C12orf54: variants seen among roughly 807,000 people sequenced by gnomAD.
C12orf54 encodes chromosome 12 open reading frame 54.
Under a neutral mutation model 26.4 loss-of-function variants are expected in C12orf54, and 24 were observed. The ratio of observed to expected loss-of-function variants is 0.91; its 90% confidence interval spans 0.66 to 1.28. C12orf54 has a LOEUF of 1.28. Among genes scored for constraint, C12orf54 ranks in the 50% most tolerant of loss-of-function variants. C12orf54 has a pLI of 0.00. For missense variants in C12orf54, 154 were observed against 150.9 expected, an observed-to-expected ratio of 1.02 and a Z score of -0.11; for synonymous variants, 54 against 47.0, an observed-to-expected ratio of 1.15 and a Z score of -0.61.
the C12orf54 span, among the ~76,000 whole-genome samples, chr12:48,449,352 A>G: frequency 6.6e-6 from 1 of 152,182 alleles, no homozygotes; most frequent in Non-Finnish European, 1.5e-5. Context: ...AAATAATGCA[A>G]AGAAACATGT....
the C12orf54 span, among the ~76,000 whole-genome samples, chr12:48,475,542 AG>A: frequency 6.6e-6 from 1 of 152,240 alleles, no homozygotes; most frequent in African/African-American, 2.4e-5. Context: ...AATGCAGAGA[AG>A]TCATTAAAGG....
At chr12:48,468,535 A>T in the C12orf54 span, among the ~76,000 whole-genome samples, 1 of 152,228 alleles carries the variant, frequency 6.6e-6, no homozygotes, top group African/African-American at 2.4e-5. Context: ...ATGTATAAAG[A>T]TACAGATGGA....
chr12:48,438,816 A>G, the C12orf54 span, among the ~76,000 whole-genome samples: 1 of 152,228 alleles, frequency 6.6e-6, no homozygotes, highest in African/African-American at 2.4e-5. Flanking sequence ...AAGAAAACCT[A>G]GACAATACCA....
the C12orf54 span, among the ~76,000 whole-genome samples, chr12:48,451,374 G>C: frequency 2.0e-5 from 3 of 151,936 alleles, no homozygotes; most frequent in African/African-American, 4.8e-5. Flanking sequence ...CAAACCCACA[G>C]CCAATATCAT....
chr12:48,489,425 A>ATCTCTCTC (rs56968979), intron 5 of C12orf54: 55 of 247,242 alleles, frequency 2.2e-4, no homozygotes, highest in East Asian at 1.2e-3. Context: ...GTCTCTCTCA[A>ATCTCTCTC]TCTCTCTCTC....
chr12:48,426,709 C>A, the C12orf54 span, among the ~76,000 whole-genome samples: 3 of 152,180 alleles, frequency 2.0e-5, no homozygotes, highest in Non-Finnish European at 4.4e-5. Flanking sequence ...TTCTCCCTAT[C>A]CACGAGCATG....
At chr12:48,420,847 G>A in the C12orf54 span, among the ~76,000 whole-genome samples, 8 of 152,066 alleles carry the variant, frequency 5.3e-5, no homozygotes, top group African/African-American at 1.7e-4. Context: ...AGTCTACCTT[G>A]CCTGTTTGAT....
Position 48,494,978 on chromosome 12 carries a change from A to G in C12orf54, c.*39A>G. 6.2e-7 allele frequency: 1 copy of G among 1,601,626 alleles called. No individual in the cohort carries two copies. The highest frequency in any genetic ancestry group is 1.1e-5 in the South Asian group (1 of 90,442). ...GAAGAAGGACATCTCTGCTTCCGCC[A>G]GGTGCTTTACCCAAGCAGCCTTTCC... On this transcript the variant is annotated splice_region_variant and 3_prime_UTR_variant, in exon 8 of 9. Coordinates refer to ENST00000548364, the MANE Select transcript of C12orf54 (RefSeq NM_152319.4).
chr12:48,432,394 T>A, the C12orf54 span, among the ~76,000 whole-genome samples: 1 of 152,202 alleles, frequency 6.6e-6, no homozygotes, highest in East Asian at 1.9e-4. Flanking sequence ...CCTTTCAATA[T>A]AATCCATAGG....
rs572738575 is a variant in C12orf54 at position 48,489,138 on chromosome 12, T to G, written c.168+182T>G. 3.9e-6 allele frequency: 3 copies of G among 762,464 alleles called. No individual in the cohort carries two copies. In the East Asian group the frequency reaches 7.3e-5, roughly 19 times the overall value. 47.2% of individuals were successfully genotyped at this position (762,464 alleles called of 1,614,324 possible). A position where few individuals can be genotyped will look rare whatever the true frequency, so the allele number is the denominator to read the frequency against. ...AGTCCAGGCGGCTAAGGCAAGAAGA[T>G]GCCTAACAGTTCCCTTGAGGAAATG... On this transcript the variant is annotated intron_variant, in intron 5 of 8. Transcript: ENST00000548364.
chr12:48,445,020 A>C, the C12orf54 span, among the ~76,000 whole-genome samples: 1 of 152,028 alleles, frequency 6.6e-6, no homozygotes. Context: ...AAAATACAAA[A>C]ATTAGCCAGG....
At chr12:48,492,223 T>C (rs1055638106) in intron 6 of C12orf54, among the ~76,000 whole-genome samples, 2 of 152,108 alleles carry the variant, frequency 1.3e-5, no homozygotes, top group East Asian at 1.9e-4. Context: ...TTCTTGGGGA[T>C]CTTTAAATAC....
the C12orf54 span, among the ~76,000 whole-genome samples, chr12:48,467,842 T>G: frequency 1.3e-5 from 2 of 152,106 alleles, no homozygotes; most frequent in African/African-American, 2.4e-5. Context: ...CTAAATTTAG[T>G]CTTTTGTTGG....
the C12orf54 span, among the ~76,000 whole-genome samples, chr12:48,420,567 G>A: frequency 6.6e-6 from 1 of 152,056 alleles, no homozygotes; most frequent in Non-Finnish European, 1.5e-5. Flanking sequence ...AAACTCTGAA[G>A]GAGAAAGCAT....
the C12orf54 span, among the ~76,000 whole-genome samples, chr12:48,441,519 T>A: frequency 6.6e-6 from 1 of 151,740 alleles, no homozygotes; most frequent in African/African-American, 2.4e-5. Context: ...TGCCCATTTC[T>A]GGACCAGTCA....
At chr12:48,490,392 G>GGGT (rs1281573861) in intron 5 of C12orf54, among the ~76,000 whole-genome samples, 1 of 152,094 alleles carries the variant, frequency 6.6e-6, no homozygotes, top group Admixed American at 6.6e-5. Context: ...CAAAGTGGCT[G>GGGT]GGTGGTAATC....
chr12:48,451,383 A>T, the C12orf54 span, among the ~76,000 whole-genome samples: 1 of 152,180 alleles, frequency 6.6e-6, no homozygotes, highest in Non-Finnish European at 1.5e-5. Flanking sequence ...AGCCAATATC[A>T]TACTGAATGG....
the C12orf54 span, among the ~76,000 whole-genome samples, chr12:48,437,175 C>A: frequency 3.3e-5 from 5 of 152,190 alleles, no homozygotes; most frequent in African/African-American, 9.7e-5. Flanking sequence ...TTCCTGGACA[C>A]ATACATCCTC....
At chr12:48,446,444 G>C in the C12orf54 span, among the ~76,000 whole-genome samples, 2 of 152,078 alleles carry the variant, frequency 1.3e-5, no homozygotes, top group Non-Finnish European at 2.9e-5. Flanking sequence ...TGTTAATATA[G>C]TACTAAGAGC....
Sources: allele counts gnomAD v4.1 joint callset (sites outside exome capture counted in the v4.1 genomes callset), GRCh38; gene constraint gnomAD v4.1.1; transcripts MANE v1.5; gene names NCBI Gene and HGNC (gene_info 2026-07-23, HGNC 2026-07-21).